The following MNS1 variants were observed in gnomAD, a reference collection of about 807,000 sequenced individuals.
MNS1 encodes the protein meiosis-specific nuclear structural protein 1.
In MNS1, 63 loss-of-function variants were observed where a neutral mutation model predicts 72.0. The observed-to-expected ratio is 0.87, with a 90% CI of 0.71 to 1.08. The LOEUF (loss-of-function observed/expected upper bound fraction) is 1.08, where lower values mean the gene tolerates loss of function less well. Ranked by LOEUF, MNS1 falls within the 50% of genes least tolerant of loss-of-function variation. MNS1 has a pLI of 0.00. For missense variants in MNS1, 604 were observed against 562.4 expected (o/e 1.07, Z -0.75); for synonymous variants, 188 against 172.1 (o/e 1.09, Z -0.72).
chr15:56,448,677 A>C (rs1202116071), intron 3 of MNS1, among the ~76,000 whole-genome samples: 3 of 152,038 alleles, frequency 2.0e-5, no homozygotes, highest in African/African-American at 7.2e-5. Context: ...GCTATTATGA[A>C]TAGCACAGCA....
intron 9 of MNS1, 169 bp from the exon 10 acceptor site, chr15:56,429,362 T>A (rs1349357456): frequency 1.8e-5 from 10 of 543,468 alleles, no homozygotes; most frequent in Non-Finnish European, 2.8e-5. Context: ...AATAAGACTT[T>A]ACATATATAT....
At chr15:56,430,490 G>A (rs1024225214) in intron 9 of MNS1, among the ~76,000 whole-genome samples, 5 of 152,168 alleles carry the variant, frequency 3.3e-5, no homozygotes, top group African/African-American at 1.2e-4. Context: ...ATAGGCATGA[G>A]TTGCCATGCC....
chr15:56,430,962 A>T (rs955096703), intron 9 of MNS1, among the ~76,000 whole-genome samples: 1 of 152,136 alleles, frequency 6.6e-6, no homozygotes, highest in Non-Finnish European at 1.5e-5. Context: ...AGAGTTCAAG[A>T]CCAGCCTGGC....
Position 56,428,998 on chromosome 15 carries a change from A to G in MNS1, c.*103T>C. The G allele has an allele frequency of 1.6e-6, 1 of 607,464 alleles. No homozygotes were observed. The highest frequency in any genetic ancestry group is 2.8e-6 in the Non-Finnish European group (1 of 361,194). 37.6% of individuals were successfully genotyped at this position (607,464 alleles called of 1,614,324 possible). A position where few individuals can be genotyped will look rare whatever the true frequency, so the allele number is the denominator to read the frequency against. ...TTCAGTGATGATTTACAAAATCCAA[A>G]CAGACAATGGATACCTAATGCCACT... On this transcript the variant is annotated 3_prime_UTR_variant, in exon 10 of 10. Coordinates refer to ENST00000260453, the MANE Select transcript of MNS1 (RefSeq NM_018365.4).
Position 56,434,136 on chromosome 15 carries a change from A to T in MNS1, c.1269+2T>A, listed in dbSNP as rs760695073. 1.9e-6 allele frequency: 3 copies of T among 1,605,682 alleles called. No individual in the cohort carries two copies. The East Asian group carries it at 6.7e-5, about 36-fold the overall frequency. On this transcript the variant is annotated splice_donor_variant, in intron 8 of 9. Coordinates refer to ENST00000260453, the MANE Select transcript of MNS1 (RefSeq NM_018365.4). LOFTEE classifies it high-confidence loss of function. ...CAAAAAAACCCCACAACTTTTTCTT[A>T]CTTTGTCTGCAAGGAATTGTTGGCG...
chr15:56,464,172 G>A lies in MNS1; in HGVS notation c.79C>T (p.His27Tyr), dbSNP rs779950227. 2.5e-6 allele frequency: 4 copies of A among 1,613,720 alleles called. No homozygotes were observed. The highest frequency in any genetic ancestry group is 3.3e-5 in the Admixed American group (2 of 59,976). ...TTGACGTTTTTTAGAGCTTGGACATGTAATTTTTTGCAGTAGTTTTCATCT... is the reference window on the plus strand; with the variant it reads ...TTGACGTTTTTTAGAGCTTGGACATATAATTTTTTGCAGTAGTTTTCATCT... ...LVDENYCKKL[H>Y]VQALKNVNSQ... Residue 27 changes from histidine to tyrosine, a missense_variant, in exon 2 of 10, where the codon CAT (histidine) becomes TAT (tyrosine). Physicochemically the swap from His to Tyr is moderately conservative, Grantham distance 83. Transcript: ENST00000260453.
chr15:56,444,181 A>G (rs2050867941), intron 5 of MNS1, among the ~76,000 whole-genome samples: 1 of 152,134 alleles, frequency 6.6e-6, no homozygotes, highest in African/African-American at 2.4e-5. Context: ...GTCCTCTGAC[A>G]TATGATATGG....
intron 4 of MNS1, among the ~76,000 whole-genome samples, chr15:56,446,476 A>G (rs1567152070): frequency 6.6e-6 from 1 of 152,038 alleles, no homozygotes. Flanking sequence ...TAAAATTATC[A>G]AGTAGTTTAC....
chr15:56,441,969 G>A (rs374996793), intron 7 of MNS1, among the ~76,000 whole-genome samples: 5 of 151,922 alleles, frequency 3.3e-5, no homozygotes, highest in Admixed American at 6.6e-5. Context: ...GCAGTGAGCC[G>A]AGATCACGCC....
At chr15:56,450,377 C>A (rs1018383920) in intron 3 of MNS1, among the ~76,000 whole-genome samples, 36 of 152,094 alleles carry the variant, frequency 2.4e-4, no homozygotes, top group African/African-American at 8.2e-4. Context: ...TTTTCATTCC[C>A]CCCAAAGAGA....
In MNS1 at chr15:56,444,663, G is replaced by A. The variant is rs1276014368; in HGVS notation, c.467C>T (p.Ala156Val). ...TTCCATCATGGTTTTGGCTATTTCA[G>A]CATCACGTTTCTGTTATTAAAACAA... ...AIKYEQMKRD[A>V]EIAKTMMEEH... The change falls in exon 5 of 10, where the codon GCT (alanine) becomes GTT (valine). Residue 156 changes from alanine (A) to valine (V), a missense_variant. Ala to Val is a moderately conservative substitution (Grantham distance 64, BLOSUM62 0). Transcript: ENST00000260453. The A allele has an allele frequency of 6.2e-7, 1 of 1,609,970 alleles. No homozygotes were observed. Among genetic ancestry groups the A allele is most frequent in the Non-Finnish European group, 8.5e-7 (1 of 1,178,652 alleles).
intron 3 of MNS1, among the ~76,000 whole-genome samples, chr15:56,454,242 G>A (rs1165298266): frequency 6.6e-6 from 1 of 152,044 alleles, no homozygotes; most frequent in African/African-American, 2.4e-5. Flanking sequence ...GTATATATTT[G>A]TATATATTTA....
chr15:56,442,120 G>A (rs1166545144), intron 7 of MNS1, among the ~76,000 whole-genome samples: 1 of 152,022 alleles, frequency 6.6e-6, no homozygotes, highest in African/African-American at 2.4e-5. Context: ...TAGCCAACAA[G>A]CACATGAAAA....
At chr15:56,456,302 T>C in intron 3 of MNS1, 92 bp downstream of exon 3, 4 of 1,218,710 alleles carry the variant, frequency 3.3e-6, no homozygotes, top group Non-Finnish European at 4.5e-6. Flanking sequence ...TGAAATGACA[T>C]AAACAAAGAA....
Position 56,461,660 on chromosome 15 carries a change from C to CAAA in MNS1, c.225+2363_225+2365dup, listed in dbSNP as rs11294380. 6.4e-3 allele frequency among the ~76,000 whole-genome samples: 362 copies of CAAA among 56,250 alleles called. 1 individual carries two copies. The highest frequency in any genetic ancestry group is 0.024 in the Middle Eastern group (2 of 82). The allele number at this position is 56,250 out of a possible 152,430, so 36.9% of individuals were successfully genotyped here. A position where few individuals can be genotyped will look rare whatever the true frequency, so the allele number is the denominator to read the frequency against. The stretch of plus-strand genomic sequence containing the variant: ...TGGGAGACAGATGAAGACTCTGTCT[C>CAAA]AAAAAAAAAAAAAAAAAAAAAACGA... On this transcript the variant is annotated intron_variant, in intron 2 of 9. Coordinates refer to ENST00000260453, the MANE Select transcript of MNS1 (RefSeq NM_018365.4).
In MNS1 at chr15:56,465,076, T is replaced by G. The variant is rs2051050950; in HGVS notation, c.-104A>C. 1 of 1,510,748 alleles carries G rather than the reference T, an allele frequency of 6.6e-7. No homozygotes were observed. Among genetic ancestry groups the G allele is most frequent in the Non-Finnish European group, 9.0e-7 (1 of 1,116,006 alleles). 93.6% of individuals were successfully genotyped at this position (1,510,748 alleles called of 1,614,324 possible). The stretch of plus-strand genomic sequence containing the variant: ...AAGGAGCGCACCTGGCTGCGCGCGC[T>G]CGGGTGTTTACGCGGCGTCTTGGCA... On this transcript the variant is annotated 5_prime_UTR_variant, in exon 1 of 10. Coordinates refer to ENST00000260453, the MANE Select transcript of MNS1 (RefSeq NM_018365.4).
chr15:56,459,338 A>G (rs2051002162), intron 2 of MNS1, among the ~76,000 whole-genome samples: 1 of 152,124 alleles, frequency 6.6e-6, no homozygotes, highest in Non-Finnish European at 1.5e-5. Context: ...TAGATGTAAC[A>G]CATTTTGTTT....
Position 56,434,180 on chromosome 15 carries a change from T to TTCC in MNS1, c.1224_1226dup (p.Glu409dup). On this transcript the variant is annotated inframe_insertion, in exon 8 of 10. Transcript: ENST00000260453. ...GTTGGCGACGCTCTTCAATAAGTTTTTCCACAGCCCTCCTGTGTTCCAGCT... is the reference window on the plus strand; with the variant it reads ...GTTGGCGACGCTCTTCAATAAGTTTTTCCTCCACAGCCCTCCTGTGTTCCAGCT... 1 of 1,613,768 alleles carries TTCC rather than the reference T, an allele frequency of 6.2e-7. No individual in the cohort carries two copies.
chr15:56,432,595 A>C (rs2050624712), intron 8 of MNS1, among the ~76,000 whole-genome samples: 1 of 152,194 alleles, frequency 6.6e-6, no homozygotes. Context: ...AGTCTTTAAA[A>C]ATTAAGACAA....
Sources: allele counts gnomAD v4.1 joint callset (sites outside exome capture counted in the v4.1 genomes callset), GRCh38; gene constraint gnomAD v4.1.1; transcripts MANE v1.5; gene names NCBI Gene and HGNC (gene_info 2026-07-23, HGNC 2026-07-21).